LHFPL2: variants seen among roughly 807,000 people sequenced by gnomAD.
The protein encoded by LHFPL2 is LHFPL tetraspan subfamily member 2, also known as LHFPL tetraspan subfamily member 2 protein.
Under a neutral mutation model 17.5 loss-of-function variants are expected in LHFPL2, and 7 were observed. The ratio of observed to expected loss-of-function variants is 0.40; its 90% CI spans 0.23 to 0.75. The LOEUF (loss-of-function observed/expected upper bound fraction) is 0.75. LHFPL2 is among the 30% of genes least tolerant of loss of function. The pLI, the probability that LHFPL2 is intolerant of heterozygous loss-of-function variation, is 0.37. For synonymous variants in LHFPL2, 134 were observed against 116.2 expected (o/e 1.15, Z -0.99); for missense variants, 241 against 294.8 (o/e 0.82, Z 1.34).
rs138916653 is a variant in LHFPL2 at position 78,541,004 on chromosome 5, A to G, written c.-186+23809T>C. On this transcript the variant is annotated intron_variant, in intron 3 of 4. Coordinates refer to ENST00000380345, the MANE Select transcript of LHFPL2 (RefSeq NM_005779.3). ...AAGGAATTATGGAAGCGTTTTAAGCACAGCCTGAGGTCTCCATGAGGGAAA... is the reference window on the plus strand; with the variant it reads ...AAGGAATTATGGAAGCGTTTTAAGCGCAGCCTGAGGTCTCCATGAGGGAAA... Among the ~76,000 whole-genome samples the G allele has an allele frequency of 2.8e-3, 433 of 152,328 alleles. 3 individuals are homozygous for G. Among genetic ancestry groups the G allele is most frequent in the African/African-American group, 1.0e-2 (414 of 41,562 alleles).
chr5:78,607,114 C>A lies in LHFPL2; in HGVS notation c.-245+25150G>T, dbSNP rs569967984. ...CACATCCCAAGATGTAGTGTATCTT[C>A]TTTTTTTATTTTTCACATGGAGTTT... On this transcript the variant is annotated intron_variant, in intron 2 of 4. Transcript: ENST00000380345. Among the ~76,000 whole-genome samples the A allele has an allele frequency of 1.4e-4, 21 of 152,038 alleles. No homozygotes were observed. The South Asian group carries it at 4.4e-3, about 32-fold the overall frequency.
At chr5:78,576,789 G>A (rs1034367365) in intron 2 of LHFPL2, among the ~76,000 whole-genome samples, 1 of 151,998 alleles carries the variant, frequency 6.6e-6, no homozygotes, top group Non-Finnish European at 1.5e-5. Flanking sequence ...TTTACTTTAG[G>A]TTCAGGGGTA....
intron 2 of LHFPL2, among the ~76,000 whole-genome samples, 177 bp from the exon 3 acceptor site, chr5:78,565,048 C>T (rs1251160742): frequency 2.6e-5 from 4 of 152,162 alleles, no homozygotes; most frequent in Non-Finnish European, 4.4e-5. Context: ...CACCGACACA[C>T]GAACACAGGG....
At chr5:78,635,294 A>G (rs1241082034) in intron 1 of LHFPL2, among the ~76,000 whole-genome samples, 2 of 152,254 alleles carry the variant, frequency 1.3e-5, no homozygotes, top group African/African-American at 4.8e-5. Context: ...GCACTAATGC[A>G]CATTACCTAG....
chr5:78,617,714 A>C (rs1460721750), intron 2 of LHFPL2, among the ~76,000 whole-genome samples: 1 of 152,148 alleles, frequency 6.6e-6, no homozygotes, highest in Non-Finnish European at 1.5e-5. Flanking sequence ...AATTTAGGAG[A>C]GGGCGCCGGA....
chr5:78,628,574 C>A (rs1745140681), intron 2 of LHFPL2, among the ~76,000 whole-genome samples: 1 of 152,184 alleles, frequency 6.6e-6, no homozygotes, highest in Admixed American at 6.5e-5. Context: ...GTCAACTCAG[C>A]CAGAAAGGCA....
At chr5:78,509,376 T>TCC (rs528177828) in intron 4 of LHFPL2, among the ~76,000 whole-genome samples, 1 of 152,314 alleles carries the variant, frequency 6.6e-6, no homozygotes, top group East Asian at 1.9e-4. Context: ...CCGCTTACAT[T>TCC]CCTCTTAGCA....
intron 2 of LHFPL2, among the ~76,000 whole-genome samples, chr5:78,583,612 C>T (rs1244448156): frequency 6.6e-6 from 1 of 151,952 alleles, no homozygotes; most frequent in African/African-American, 2.4e-5. Flanking sequence ...ATATTGGCCC[C>T]CACTCTCTTC....
chr5:78,542,074 G>A (rs1756129785), intron 3 of LHFPL2, among the ~76,000 whole-genome samples: 1 of 151,634 alleles, frequency 6.6e-6, no homozygotes, highest in South Asian at 2.1e-4. Flanking sequence ...TAATAGCTCT[G>A]CGACCCTTTG....
chr5:78,548,687 C>A (rs1756355248), intron 3 of LHFPL2, among the ~76,000 whole-genome samples: 1 of 152,214 alleles, frequency 6.6e-6, no homozygotes, highest in Admixed American at 6.5e-5. Flanking sequence ...AGGGCTAGAA[C>A]TTCTCCCTCA....
chr5:78,647,920 C>T (rs2112537382), intron 1 of LHFPL2, among the ~76,000 whole-genome samples: 1 of 152,328 alleles, frequency 6.6e-6, no homozygotes, highest in Non-Finnish European at 1.5e-5. Flanking sequence ...AGCCGCCCAT[C>T]CCAGATGCGG....
intron 1 of LHFPL2, among the ~76,000 whole-genome samples, chr5:78,632,650 T>G (rs557928753): frequency 6.6e-6 from 1 of 152,332 alleles, no homozygotes; most frequent in South Asian, 2.1e-4. Context: ...GTCTTCTATA[T>G]GCCAGGTACC....
At chr5:78,519,152 C>T (rs1272290281) in intron 3 of LHFPL2, among the ~76,000 whole-genome samples, 1 of 152,076 alleles carries the variant, frequency 6.6e-6, no homozygotes, top group African/African-American at 2.4e-5. Context: ...CCCACACAGC[C>T]CTCCGTAAGA....
At chr5:78,608,570 C>G (rs1026426341) in intron 2 of LHFPL2, among the ~76,000 whole-genome samples, 1 of 145,416 alleles carries the variant, frequency 6.9e-6, no homozygotes, top group Admixed American at 7.1e-5. Flanking sequence ...CCCTAATTAG[C>G]GATCTAAATT....
Position 78,502,499 on chromosome 5 carries a change from G to C in LHFPL2, c.430+7285C>G, listed in dbSNP as rs539505109. On this transcript the variant is annotated intron_variant, in intron 4 of 4. Transcript: ENST00000380345. Reference sequence around the variant, plus strand: ...TGAAGCCTTACTTCACATTCGGGGTGAGAAGCTGTTTGTTAACTGGCTTAC... The same window carrying C: ...TGAAGCCTTACTTCACATTCGGGGTCAGAAGCTGTTTGTTAACTGGCTTAC... Among the ~76,000 whole-genome samples, 10 of 152,346 alleles carry C rather than the reference G, an allele frequency of 6.6e-5. No individual in the cohort carries two copies. In the South Asian group the frequency reaches 2.1e-3, roughly 32 times the overall value.
intron 4 of LHFPL2, among the ~76,000 whole-genome samples, chr5:78,495,476 C>T (rs1241228585): frequency 6.6e-6 from 1 of 152,138 alleles, no homozygotes; most frequent in African/African-American, 2.4e-5. Context: ...AGAAGTGAGT[C>T]TTTAGACACC....
intron 3 of LHFPL2, among the ~76,000 whole-genome samples, chr5:78,512,143 G>A (rs1027158807): frequency 6.6e-5 from 10 of 152,050 alleles, no homozygotes; most frequent in South Asian, 2.1e-4. Context: ...AGATGACACC[G>A]TTCAGACAAC....
intron 1 of LHFPL2, among the ~76,000 whole-genome samples, chr5:78,647,212 T>A (rs537501256): frequency 1.3e-5 from 2 of 152,340 alleles, no homozygotes; most frequent in South Asian, 2.1e-4. Context: ...AAACATTTCC[T>A]CTTCCCGCGA....
At chr5:78,590,109 A>G (rs1237227236) in intron 2 of LHFPL2, 1 of 152,138 alleles carries the variant, frequency 6.6e-6, no homozygotes, top group Non-Finnish European at 1.5e-5. Flanking sequence ...TCATTATACA[A>G]ACACCCACAC....
Sources: allele counts gnomAD v4.1 joint callset (sites outside exome capture counted in the v4.1 genomes callset), GRCh38; gene constraint gnomAD v4.1.1; transcripts MANE v1.5; gene names NCBI Gene and HGNC (gene_info 2026-07-23, HGNC 2026-07-21).